CREB3L2: variants seen among roughly 807,000 people sequenced by gnomAD.
CREB3L2 encodes the protein cyclic AMP-responsive element-binding protein 3-like protein 2.
A neutral mutation model predicts 57.2 loss-of-function variants in CREB3L2; 23 were observed. The observed-to-expected ratio is 0.40, with a 90% CI of 0.29 to 0.57. The LOEUF (loss-of-function observed/expected upper bound fraction) is 0.57. Ranked by LOEUF, CREB3L2 falls within the 20% of genes least tolerant of loss-of-function variation. The probability of loss-of-function intolerance (pLI) is 0.42; values close to 1 mark genes in which losing one functional copy is unlikely to be tolerated. For missense variants in CREB3L2, 628 were observed against 634.7 expected, an observed-to-expected ratio of 0.99 and a Z score of 0.11; for synonymous variants, 268 against 265.1, an observed-to-expected ratio of 1.01 and a Z score of -0.11.
At chr7:137,992,518 C>T (rs1726445223) in intron 1 of CREB3L2, among the ~76,000 whole-genome samples, 1 of 152,212 alleles carries the variant, frequency 6.6e-6, no homozygotes. Context: ...AAGGGTTACC[C>T]AGCCAGAGCT....
At chr7:137,895,809 T>C (rs1799618327) in intron 8 of CREB3L2, among the ~76,000 whole-genome samples, 2 of 152,202 alleles carry the variant, frequency 1.3e-5, no homozygotes, top group South Asian at 4.1e-4. Context: ...GCCACTCACC[T>C]TCCCTGCCAT....
At chr7:137,885,591 C>T in intron 8 of CREB3L2, 89 bp from the exon 9 acceptor site, 2 of 985,548 alleles carry the variant, frequency 2.0e-6, no homozygotes, top group Non-Finnish European at 3.2e-6. Flanking sequence ...GGCCGCCGTG[C>T]CTTTGTGCCT....
intron 1 of CREB3L2, among the ~76,000 whole-genome samples, chr7:137,991,709 C>G (rs1052751918): frequency 1.4e-4 from 22 of 151,894 alleles, no homozygotes; most frequent in African/African-American, 5.3e-4. Context: ...GAGTTTGAGA[C>G]CAGCCTGGCC....
At chr7:137,991,557 A>G (rs572741445) in intron 1 of CREB3L2, among the ~76,000 whole-genome samples, 2 of 152,286 alleles carry the variant, frequency 1.3e-5, no homozygotes, top group South Asian at 4.1e-4. Context: ...AAAATGTAGA[A>G]TTTACAAAGT....
At chr7:137,912,203 C>G (rs1442284116) in intron 4 of CREB3L2, among the ~76,000 whole-genome samples, 2 of 152,026 alleles carry the variant, frequency 1.3e-5, no homozygotes, top group East Asian at 3.9e-4. Context: ...GTGGCAAAAC[C>G]TCGTCTCTAC....
At chr7:137,919,281 C>T (rs1424881776) in intron 2 of CREB3L2, among the ~76,000 whole-genome samples, 1 of 151,876 alleles carries the variant, frequency 6.6e-6, no homozygotes, top group Non-Finnish European at 1.5e-5. Context: ...AAGCGATTCT[C>T]CTGCCTCAGC....
chr7:137,901,193 G>T (rs997232750), intron 8 of CREB3L2, among the ~76,000 whole-genome samples, 161 bp downstream of exon 8: 3 of 152,166 alleles, frequency 2.0e-5, no homozygotes, highest in African/African-American at 7.2e-5. Flanking sequence ...TGTGTAGCAG[G>T]AGTGGGTGGG....
intron 3 of CREB3L2, among the ~76,000 whole-genome samples, chr7:137,915,389 TC>T (rs1800105440): frequency 6.6e-6 from 1 of 152,088 alleles, no homozygotes; most frequent in African/African-American, 2.4e-5. Flanking sequence ...CGTGGGACAT[TC>T]CTGACTTGAG....
At chr7:137,962,436 A>G (rs908385064) in intron 1 of CREB3L2, among the ~76,000 whole-genome samples, 1 of 151,852 alleles carries the variant, frequency 6.6e-6, no homozygotes, top group Non-Finnish European at 1.5e-5. Flanking sequence ...TCTCACCTTG[A>G]GCTTCTTCCC....
At chr7:137,997,371 C>G (rs1267673344) in intron 1 of CREB3L2, among the ~76,000 whole-genome samples, 1 of 152,190 alleles carries the variant, frequency 6.6e-6, no homozygotes. Context: ...CTTCCAGATA[C>G]AGTTTATACA....
At chr7:137,961,429 T>C (rs1801321388) in intron 1 of CREB3L2, among the ~76,000 whole-genome samples, 1 of 152,144 alleles carries the variant, frequency 6.6e-6, no homozygotes, top group Non-Finnish European at 1.5e-5. Flanking sequence ...CTTGAGTCAG[T>C]TGTTGCTCCC....
chr7:137,951,780 G>A (rs1410224045), intron 1 of CREB3L2, among the ~76,000 whole-genome samples: 2 of 152,130 alleles, frequency 1.3e-5, no homozygotes, highest in East Asian at 1.9e-4. Flanking sequence ...CCAGGAGTTC[G>A]AGACGAGACC....
chr7:137,896,246 G>C (rs375646802), intron 8 of CREB3L2, among the ~76,000 whole-genome samples: 25 of 152,346 alleles, frequency 1.6e-4, no homozygotes, highest in East Asian at 1.3e-3. Context: ...TTTGAGCGAA[G>C]CAGCCCTGCT....
intron 1 of CREB3L2, among the ~76,000 whole-genome samples, chr7:137,968,245 T>C (rs1384288494): frequency 6.6e-6 from 1 of 151,722 alleles, no homozygotes; most frequent in Non-Finnish European, 1.5e-5. Context: ...AGTCCTAGGG[T>C]ACATGTGCAC....
chr7:137,929,896 A>T (rs1800577524), intron 1 of CREB3L2, among the ~76,000 whole-genome samples: 1 of 150,650 alleles, frequency 6.6e-6, no homozygotes, highest in Non-Finnish European at 1.5e-5. Flanking sequence ...TAATTAATTA[A>T]TTAAAATAAT....
chr7:137,900,192 C>CAT (rs909431917), intron 8 of CREB3L2, among the ~76,000 whole-genome samples: 2 of 152,186 alleles, frequency 1.3e-5, no homozygotes, highest in African/African-American at 4.8e-5. Flanking sequence ...CATAAACCTC[C>CAT]ATATACTCCT....
At position 137,877,833 on chromosome 7, in the gene CREB3L2, G is replaced by T. The variant is rs572393874; in HGVS notation, c.*2643C>A. The T allele has an allele frequency of 4.4e-6, 1 of 228,648 alleles. No individual in the cohort carries two copies. Among genetic ancestry groups the T allele is most frequent in the East Asian group, 6.3e-5 (1 of 15,876 alleles). 14.2% of individuals were successfully genotyped at this position (228,648 alleles called of 1,614,324 possible). ...CACTGATATTCTGGTCTTAATCCCT[G>T]AACAGAAAATGTGCACACATCCATT... is the stretch of plus-strand genomic sequence containing the variant. On this transcript the variant is annotated 3_prime_UTR_variant, in exon 12 of 12. Transcript: ENST00000330387.
intron 1 of CREB3L2, among the ~76,000 whole-genome samples, chr7:137,966,718 C>T (rs1427244004): frequency 6.6e-6 from 1 of 152,150 alleles, no homozygotes; most frequent in Non-Finnish European, 1.5e-5. Context: ...GAGAGTTCAT[C>T]AAAGCTCCCC....
At chr7:137,951,012 C>A (rs996005026) in intron 1 of CREB3L2, among the ~76,000 whole-genome samples, 17 of 152,308 alleles carry the variant, frequency 1.1e-4, no homozygotes, top group African/African-American at 4.1e-4. Context: ...CTTTCATGGT[C>A]ATTTGAGAAT....
Sources: allele counts gnomAD v4.1 joint callset (sites outside exome capture counted in the v4.1 genomes callset), GRCh38; gene constraint gnomAD v4.1.1; transcripts MANE v1.5; gene names NCBI Gene and HGNC (gene_info 2026-07-23, HGNC 2026-07-21).